The following BOLL variants were observed in gnomAD, a reference collection of about 807,000 sequenced individuals.
BOLL encodes protein boule-like.
Under a neutral mutation model 44.4 loss-of-function variants are expected in BOLL, and 23 were observed. The observed-to-expected ratio is 0.52, with a 90% confidence interval of 0.37 to 0.73. The LOEUF is 0.73. BOLL is among the 30% of genes least tolerant of loss of function. The probability of loss-of-function intolerance (pLI) is 0.00; values close to 1 mark genes in which losing one functional copy is unlikely to be tolerated. For synonymous variants in BOLL, 97 were observed against 110.8 expected (o/e 0.88, Z 0.78); for missense variants, 287 against 338.3 (o/e 0.85, Z 1.19).
intron 1 of BOLL, among the ~76,000 whole-genome samples, chr2:197,784,393 T>C (rs1369701432): frequency 0.01 from 2 of 196 alleles, no homozygotes; most frequent in Admixed American, 0.1. Context: ...GTCTAATACA[T>C]ATATATATAT....
rs1689286212 is a variant in BOLL, at chr2:197,771,931, C to T, written c.404G>A (p.Gly135Glu). The T allele has an allele frequency of 1.3e-6, 2 of 1,595,904 alleles. No homozygotes were observed. The highest frequency in any genetic ancestry group is 1.3e-5 in the African/African-American group (1 of 74,204). ...ACCATTATGGTAAGTATAAGGATAT[C>T]CAGTTGAAGTTGTTAGATACATTGT... ...AGTMYLTTST[G>E]YPYTYHNGVA... Residue 135 changes from glycine to glutamate, a missense_variant, in exon 6 of 11, where the codon GGA becomes GAA. Gly to Glu is a moderately conservative substitution (Grantham distance 98). Transcript: ENST00000392296.
chr2:197,748,822 A>C (rs1180973626), intron 9 of BOLL, among the ~76,000 whole-genome samples: 2 of 152,188 alleles, frequency 1.3e-5, no homozygotes, highest in African/African-American at 4.8e-5. Flanking sequence ...AGCAGACTTA[A>C]ATGTTCCTGC....
At chr2:197,772,060 A>G in intron 5 of BOLL, 78 bp from the exon 6 acceptor site, 1 of 1,248,008 alleles carries the variant, frequency 8.0e-7, no homozygotes, top group Non-Finnish European at 1.1e-6. Context: ...CACTTCAGAA[A>G]AATATTTATC....
chr2:197,762,182 A>G (rs989513157), intron 7 of BOLL, among the ~76,000 whole-genome samples: 3 of 152,134 alleles, frequency 2.0e-5, no homozygotes, highest in African/African-American at 7.2e-5. Context: ...CGTCTCTACT[A>G]AAAATACAAA....
chr2:197,730,394 ATAT>A (rs1272085651), intron 10 of BOLL, among the ~76,000 whole-genome samples: 3 of 125,728 alleles, frequency 2.4e-5, no homozygotes, highest in Non-Finnish European at 5.0e-5. Context: ...ACTCTGCAGG[ATAT>A]TATCCAGGAG....
intron 7 of BOLL, among the ~76,000 whole-genome samples, chr2:197,759,841 A>G (rs936373670): frequency 1.3e-5 from 2 of 152,198 alleles, no homozygotes; most frequent in African/African-American, 4.8e-5. Flanking sequence ...ACCTGCATAC[A>G]GGGCTGAGAA....
intron 10 of BOLL, among the ~76,000 whole-genome samples, chr2:197,729,276 C>T (rs887522556): frequency 1.3e-5 from 2 of 152,234 alleles, no homozygotes; most frequent in African/African-American, 4.8e-5. Context: ...AAACGGCGCA[C>T]CACGAGATTA....
chr2:197,745,609 C>A (rs1315523383), intron 9 of BOLL, among the ~76,000 whole-genome samples: 2 of 152,144 alleles, frequency 1.3e-5, no homozygotes, highest in African/African-American at 4.8e-5. Flanking sequence ...TATCTCACTA[C>A]CTGCTCCTGG....
At chr2:197,739,263 T>G (rs1687632320) in intron 10 of BOLL, among the ~76,000 whole-genome samples, 3 of 152,102 alleles carry the variant, frequency 2.0e-5, no homozygotes. Context: ...ATTATTATTA[T>G]TTTTTTATTT....
chr2:197,777,115 TA>T lies in BOLL; in HGVS notation c.222-3del. 1 of 1,523,324 alleles carries T rather than the reference TA, an allele frequency of 6.6e-7. No homozygotes were observed. Among genetic ancestry groups the T allele is most frequent in the Non-Finnish European group, 9.0e-7 (1 of 1,112,358 alleles). The allele number at this position is 1,523,324 out of a possible 1,614,324, so 94.4% of individuals were successfully genotyped here. ...GTTTCAAAAGTGACGAAACCATACCTAAATAAATGCATTAATTATTACTAAT... is the reference window on the plus strand; with the variant it reads ...GTTTCAAAAGTGACGAAACCATACCTAATAAATGCATTAATTATTACTAAT... On this transcript the variant is annotated splice_region_variant and splice_polypyrimidine_tract_variant and intron_variant, in intron 3 of 10. Transcript: ENST00000392296.
chr2:197,730,139 C>T (rs1275282386), intron 10 of BOLL, among the ~76,000 whole-genome samples: 1 of 128,552 alleles, frequency 7.8e-6, no homozygotes, highest in Non-Finnish European at 1.7e-5. Flanking sequence ...GAGCTGAAAA[C>T]CAAGGCTCGA....
chr2:197,729,279 C>T (rs754018862), intron 10 of BOLL, among the ~76,000 whole-genome samples: 18 of 152,316 alleles, frequency 1.2e-4, no homozygotes, highest in Middle Eastern at 6.8e-3. Context: ...CGGCGCACCA[C>T]GAGATTATAT....
At chr2:197,783,193 G>A (rs1424047752) in intron 1 of BOLL, among the ~76,000 whole-genome samples, 1 of 152,102 alleles carries the variant, frequency 6.6e-6, no homozygotes. Flanking sequence ...TGTGGCTTGT[G>A]CCTGTAATCC....
chr2:197,755,622 C>A (rs968588093), intron 9 of BOLL, among the ~76,000 whole-genome samples: 1 of 152,170 alleles, frequency 6.6e-6, no homozygotes, highest in Non-Finnish European at 1.5e-5. Context: ...AAGCCATTAT[C>A]CTCAGCAAAC....
In BOLL at chr2:197,756,650, T is replaced by C. The variant is rs903949193; in HGVS notation, c.601-94A>G. The C allele has an allele frequency of 6.3e-6, 8 of 1,260,390 alleles. No homozygotes were observed. The Admixed American group carries it at 1.6e-4, about 25-fold the overall frequency. 78.1% of individuals were successfully genotyped at this position (1,260,390 alleles called of 1,614,324 possible). A position where few individuals can be genotyped will look rare whatever the true frequency, so the allele number is the denominator to read the frequency against. On this transcript the variant is annotated intron_variant, in intron 8 of 10. Transcript: ENST00000392296. ...CAACAGATGAGAGAAGTACTTGTTT[T>C]TTATTTTACTAAATTTTTTTTTAGG...
At chr2:197,759,015 A>G (rs1688634796) in intron 7 of BOLL, 1 of 1,535,220 alleles carries the variant, frequency 6.5e-7, no homozygotes, top group African/African-American at 1.4e-5. Flanking sequence ...TCCCTCGTAA[A>G]AAAAGAGAGG....
chr2:197,780,446 A>G (rs1689716787), intron 2 of BOLL, among the ~76,000 whole-genome samples: 1 of 152,106 alleles, frequency 6.6e-6, no homozygotes, highest in African/African-American at 2.4e-5. Context: ...TAACCTGGCC[A>G]TACAAATGTT....
chr2:197,786,156 C>T (rs1320142741), upstream of BOLL: 11 of 1,183,048 alleles, frequency 9.3e-6, no homozygotes, highest in Admixed American at 3.0e-5. The surrounding 1 kb of genome is among the most constrained non-coding windows in gnomAD (Gnocchi z 5.9). Context: ...GAAGCAGGCT[C>T]GGACCCCGGC....
intron 5 of BOLL, among the ~76,000 whole-genome samples, chr2:197,775,457 T>A (rs1221804174): frequency 1.4e-5 from 2 of 143,216 alleles, no homozygotes; most frequent in Non-Finnish European, 3.0e-5. Context: ...TACTTAAGCA[T>A]CTTTATGTAT....
Sources: gnomAD v4.1 joint callset for allele counts (sites outside exome capture counted in the v4.1 genomes callset) on GRCh38, gnomAD v4.1.1 for gene constraint, Gnocchi (gnomAD v3.1) non-coding constraint, MANE v1.5 for transcripts, NCBI Gene and HGNC (gene_info 2026-07-23, HGNC 2026-07-21) for gene names.